Variants in OPN5 observed in about 807,000 individuals in gnomAD.
The protein encoded by OPN5 is opsin-5.
In OPN5, 18 loss-of-function variants were observed where a neutral mutation model predicts 41.7. The ratio of observed to expected loss-of-function variants is 0.43; its 90% CI spans 0.30 to 0.64. The LOEUF (loss-of-function observed/expected upper bound fraction) is 0.64. Ranked by LOEUF, OPN5 falls within the 30% of genes least tolerant of loss-of-function variation. The probability of loss-of-function intolerance (pLI) is 0.13; values close to 1 mark genes in which losing one functional copy is unlikely to be tolerated. For missense variants in OPN5, 318 were observed against 434.5 expected, an observed-to-expected ratio of 0.73 and a Z score of 2.38; for synonymous variants, 178 against 164.3, an observed-to-expected ratio of 1.08 and a Z score of -0.64.
At chr6:47,814,707 A>T (rs988704362) in intron 6 of OPN5, among the ~76,000 whole-genome samples, 1 of 152,146 alleles carries the variant, frequency 6.6e-6, no homozygotes, top group Non-Finnish European at 1.5e-5. Context: ...GTGGCTTCCA[A>T]TGATTTGAGA....
At chr6:47,800,075 A>G (rs1773711531) in intron 4 of OPN5, among the ~76,000 whole-genome samples, 1 of 152,214 alleles carries the variant, frequency 6.6e-6, no homozygotes, top group African/African-American at 2.4e-5. Flanking sequence ...GCTTCTAAAA[A>G]TCTTCACACA....
At chr6:47,804,565 A>T (rs1773893228) in intron 4 of OPN5, among the ~76,000 whole-genome samples, 1 of 152,196 alleles carries the variant, frequency 6.6e-6, no homozygotes, top group African/African-American at 2.4e-5. Context: ...TTTTACATTT[A>T]AATGTTTAAT....
downstream of OPN5, chr6:47,826,357 A>G (rs772082745): frequency 2.6e-5 from 4 of 152,202 alleles, no homozygotes; most frequent in South Asian, 4.1e-4. Context: ...AACTACTGCA[A>G]AAATAAAGTG....
chr6:47,814,189 T>C (rs1762359486), intron 6 of OPN5, among the ~76,000 whole-genome samples: 1 of 151,476 alleles, frequency 6.6e-6, no homozygotes, highest in Non-Finnish European at 1.5e-5. Context: ...TCTTCTTTTG[T>C]GTGGGGGGAT....
intron 5 of OPN5, among the ~76,000 whole-genome samples, chr6:47,808,849 T>C (rs941425783): frequency 6.6e-6 from 1 of 152,202 alleles, no homozygotes; most frequent in Non-Finnish European, 1.5e-5. Flanking sequence ...AGATGACATT[T>C]CTGCTCTGTG....
intron 1 of OPN5, among the ~76,000 whole-genome samples, chr6:47,784,994 G>A (rs1396798071): frequency 3.3e-5 from 5 of 152,126 alleles, no homozygotes; most frequent in Non-Finnish European, 5.9e-5. Flanking sequence ...AATGAATAGA[G>A]AGGTGACTAT....
chr6:47,786,711 A>G, intron 2 of OPN5, 77 bp downstream of exon 2: 1 of 1,242,298 alleles, frequency 8.0e-7, no homozygotes, highest in South Asian at 1.4e-5. Flanking sequence ...CTCAAACGTC[A>G]CCCCCTGACA....
intron 5 of OPN5, among the ~76,000 whole-genome samples, chr6:47,808,625 G>A (rs1481204861): frequency 1.3e-5 from 2 of 152,162 alleles, no homozygotes; most frequent in African/African-American, 4.8e-5. Flanking sequence ...TGATCGTGGA[G>A]CAACTAAGAT....
In OPN5 at chr6:47,813,397, C is replaced by T. The variant is rs565440168; in HGVS notation, c.1056+1666C>T. Reference sequence around the variant, plus strand: ...TATGAAATAATATCCACATAAGTCACTTAGCAATATGCCGGTGATAGAGAA... The same window carrying T: ...TATGAAATAATATCCACATAAGTCATTTAGCAATATGCCGGTGATAGAGAA... On this transcript the variant is annotated intron_variant, in intron 6 of 6. Coordinates refer to ENST00000371211, the Ensembl canonical transcript of OPN5. 4.6e-5 allele frequency among the ~76,000 whole-genome samples: 7 copies of T among 152,274 alleles called. No individual in the cohort carries two copies. In the South Asian group the frequency reaches 1.5e-3, roughly 32 times the overall value.
chr6:47,816,482 G>A (rs1762432774), intron 6 of OPN5, among the ~76,000 whole-genome samples: 1 of 152,096 alleles, frequency 6.6e-6, no homozygotes, highest in African/African-American at 2.4e-5. Flanking sequence ...ATCTTTGGGT[G>A]TTTGAATGTT....
At chr6:47,812,754 A>G (rs896295412) in intron 6 of OPN5, among the ~76,000 whole-genome samples, 3 of 151,762 alleles carry the variant, frequency 2.0e-5, no homozygotes, top group Admixed American at 2.0e-4. Flanking sequence ...TATTCCATCT[A>G]CCTCCCCTTC....
At chr6:47,803,831 A>G (rs866946819) in intron 4 of OPN5, among the ~76,000 whole-genome samples, 25 of 152,308 alleles carry the variant, frequency 1.6e-4, no homozygotes, top group South Asian at 6.2e-4. Context: ...CACACTGCTC[A>G]GTCGAGCTGA....
At chr6:47,813,928 G>A (rs1274073684) in intron 6 of OPN5, among the ~76,000 whole-genome samples, 1 of 151,882 alleles carries the variant, frequency 6.6e-6, no homozygotes, top group African/African-American at 2.4e-5. Context: ...GGGAGAGAGT[G>A]AATTATATTT....
In OPN5 at chr6:47,818,831, G is replaced by A. The variant is rs562973745; in HGVS notation, c.1057-5152G>A. 1.1e-3 allele frequency among the ~76,000 whole-genome samples: 165 copies of A among 152,298 alleles called. 1 individual carries two copies. The highest frequency in any genetic ancestry group is 3.6e-3 in the African/African-American group (151 of 41,570). ...AAATGACTGGCTCAAAGGTGTTCAT[G>A]ACAAGGGTTAGAGCAACTGGAGTGT... is the stretch of plus-strand genomic sequence containing the variant. On this transcript the variant is annotated intron_variant, in intron 6 of 6. Coordinates refer to ENST00000371211, the Ensembl canonical transcript of OPN5.
intron 6 of OPN5, among the ~76,000 whole-genome samples, chr6:47,812,933 C>T (rs1276899145): frequency 1.3e-5 from 2 of 152,166 alleles, no homozygotes; most frequent in Admixed American, 6.5e-5. Context: ...AAGGCTCAAC[C>T]TCAGTACATG....
chr6:47,819,072 CA>C (rs530934400), intron 6 of OPN5, among the ~76,000 whole-genome samples: 3 of 151,436 alleles, frequency 2.0e-5, no homozygotes, highest in South Asian at 2.1e-4. Flanking sequence ...CAAACCCTGC[CA>C]AAAAAATATG....
chr6:47,792,001 C>A (rs550021218), intron 3 of OPN5, 29 bp downstream of exon 3: 1 of 1,556,114 alleles, frequency 6.4e-7, no homozygotes, highest in South Asian at 1.1e-5. Context: ...CATTCCCTGA[C>A]AGTTAAAGCT....
At chr6:47,792,171 A>G (rs1367339547) in intron 3 of OPN5, among the ~76,000 whole-genome samples, 199 bp downstream of exon 3, 7 of 152,238 alleles carry the variant, frequency 4.6e-5, no homozygotes, top group South Asian at 2.1e-4. Context: ...CTTTTAATAC[A>G]TATTTTATAG....
chr6:47,795,070 T>C (rs1773498360), intron 3 of OPN5, 159 bp from the exon 4 acceptor site: 2 of 593,828 alleles, frequency 3.4e-6, no homozygotes, highest in African/African-American at 1.8e-5. Flanking sequence ...TCTGGAACTT[T>C]TTTCCGTTTA....
Sources: gnomAD v4.1 joint callset for allele counts (sites outside exome capture counted in the v4.1 genomes callset) on GRCh38, gnomAD v4.1.1 for gene constraint, MANE v1.5 for transcripts, NCBI Gene and HGNC (gene_info 2026-07-23, HGNC 2026-07-21) for gene names.